Variants in MSTO1 observed in about 807,000 individuals in gnomAD.
MSTO1 encodes misato mitochondrial distribution and morphology regulator 1.
MSTO1 carries 24 observed loss-of-function variants against 55.7 expected under a neutral mutation model. That is an observed-to-expected ratio of 0.43 (90% CI 0.31 to 0.61). The LOEUF (loss-of-function observed/expected upper bound fraction) is 0.61. Ranked by LOEUF, MSTO1 falls within the 20% of genes least tolerant of loss-of-function variation. MSTO1 has a pLI of 0.09. For synonymous variants in MSTO1, 162 were observed against 252.8 expected (o/e 0.64, Z 3.41); for missense variants, 363 against 625.7 (o/e 0.58, Z 4.48).
the MSTO1 span, among the ~76,000 whole-genome samples, chr1:155,568,089 A>ATTTTT: frequency 2.5e-3 from 368 of 148,126 alleles, 1 homozygote; most frequent in South Asian, 9.4e-3. Flanking sequence ...ATTTTATTTT[A>ATTTTT]TTTTTTTTGA....
the MSTO1 span, among the ~76,000 whole-genome samples, chr1:155,579,614 T>G: frequency 1.3e-5 from 2 of 152,176 alleles, no homozygotes; most frequent in Non-Finnish European, 2.9e-5. Context: ...AGTTAATCTA[T>G]CCATACTTAT....
chr1:155,606,928 G>C (rs982675666), upstream of MSTO1, among the ~76,000 whole-genome samples: 2 of 151,364 alleles, frequency 1.3e-5, no homozygotes, highest in South Asian at 4.2e-4. Context: ...TTTGCCTGTC[G>C]GGTTCAAGCA....
rs1171827509 is a variant in MSTO1 at position 155,612,086 on chromosome 1, T to C, written c.664T>C (p.Cys222Arg). The change falls in exon 7 of 14, where the codon TGT becomes CGT. Residue 222 changes from cysteine to arginine, a missense_variant. By Grantham distance (180) the Cys-to-Arg change is radical. Around this residue, in one of 3 missense-constraint regions of MSTO1, gnomAD observed 94 missense variants for 212.4 expected, o/e 0.44. Transcript: ENST00000245564. ...CAGGCTGCATTTCTACGTGGAGGAA[T>C]GTGACTACTTGCAGGTAGTGGCGTG... Reference protein sequence around the residue: ...EDRLHFYVEECDYLQGFQILC... With the variant: ...EDRLHFYVEERDYLQGFQILC... 6.2e-7 allele frequency: 1 copy of C among 1,610,328 alleles called. No individual in the cohort carries two copies. The highest frequency in any genetic ancestry group is 2.2e-5 in the East Asian group (1 of 44,798).
chr1:155,613,208 G>A lies in MSTO1; in HGVS notation c.1258G>A (p.Gly420Ser), dbSNP rs1467430171. ...RCFAQSVVLR[G>S]IDRACHTSQL... is the part of the protein sequence containing the mutation. ...CTTTGCCCAGTCAGTGGTGCTGAGG[G>A]GTATAGACAGAGCATGCCACACAAG... is the stretch of plus-strand genomic sequence containing the variant. The change falls in exon 11 of 14, where the codon GGT becomes AGT. Residue 420 changes from glycine to serine, a missense_variant. Coordinates refer to ENST00000245564, the MANE Select transcript of MSTO1 (RefSeq NM_018116.4). The A allele has an allele frequency of 5.0e-6, 8 of 1,613,924 alleles. No individual in the cohort carries two copies. Among genetic ancestry groups the A allele is most frequent in the Non-Finnish European group, 5.9e-6 (7 of 1,180,012 alleles).
chr1:155,599,662 G>A, the MSTO1 span, among the ~76,000 whole-genome samples: 5 of 152,270 alleles, frequency 3.3e-5, no homozygotes, highest in African/African-American at 7.2e-5. Flanking sequence ...GGGAACCAGC[G>A]TTCAGCATAT....
At chr1:155,604,571 T>G in the MSTO1 span, among the ~76,000 whole-genome samples, 6 of 152,142 alleles carry the variant, frequency 3.9e-5, no homozygotes, top group African/African-American at 1.2e-4. Context: ...AAACAAAAAT[T>G]TTGTACGTTG....
chr1:155,588,884 C>G, the MSTO1 span, among the ~76,000 whole-genome samples: 20 of 152,074 alleles, frequency 1.3e-4, no homozygotes, highest in African/African-American at 4.8e-4. Context: ...GCATGTGCCC[C>G]CTTCCCTCAG....
upstream of MSTO1, chr1:155,610,214 G>T (rs1673509709): frequency 1.6e-6 from 1 of 643,670 alleles, no homozygotes; most frequent in Non-Finnish European, 2.7e-6. Context: ...CGAGCGGCGC[G>T]GCTGAGGCGC....
the MSTO1 span, among the ~76,000 whole-genome samples, chr1:155,600,911 C>T: frequency 2.0e-5 from 3 of 149,580 alleles, no homozygotes; most frequent in Non-Finnish European, 4.4e-5. Context: ...CTCCTGATCT[C>T]GTGATGCGAC....
chr1:155,580,692 G>A, the MSTO1 span, among the ~76,000 whole-genome samples: 726 of 152,210 alleles, frequency 4.8e-3, 3 homozygotes, highest in Non-Finnish European at 8.1e-3. Context: ...GCCGAGGTGG[G>A]CGGATTGCCT....
upstream of MSTO1, among the ~76,000 whole-genome samples, chr1:155,609,237 A>T (rs1261435852): frequency 6.5e-3 from 320 of 49,108 alleles, 7 homozygotes; most frequent in African/African-American, 0.011. Flanking sequence ...ATATATATAT[A>T]TATATATTTT....
chr1:155,580,331 G>C, the MSTO1 span, among the ~76,000 whole-genome samples: 9 of 151,616 alleles, frequency 5.9e-5, no homozygotes, highest in East Asian at 1.6e-3. Flanking sequence ...TTTGAGACCA[G>C]ACTGGGCAAC....
the MSTO1 span, chr1:155,563,327 A>G: frequency 2.2e-6 from 1 of 455,568 alleles, no homozygotes; most frequent in Admixed American, 2.4e-5. Context: ...TCCTCGACTC[A>G]CGGTGAGGGA....
At chr1:155,571,123 T>G in the MSTO1 span, among the ~76,000 whole-genome samples, 2 of 152,058 alleles carry the variant, frequency 1.3e-5, no homozygotes, top group Non-Finnish European at 2.9e-5. Flanking sequence ...GGCCAGGAGC[T>G]GAAGACCAGC....
At chr1:155,606,372 T>G (rs1304790800), upstream of MSTO1, among the ~76,000 whole-genome samples, 3 of 149,642 alleles carry the variant, frequency 2.0e-5, no homozygotes, top group Non-Finnish European at 4.4e-5. Flanking sequence ...GATACAACTT[T>G]TTTTTTTCTA....
the MSTO1 span, among the ~76,000 whole-genome samples, chr1:155,595,246 C>T: frequency 2.8e-5 from 4 of 141,738 alleles, no homozygotes; most frequent in East Asian, 2.4e-4. Flanking sequence ...GGCGCAATCT[C>T]GGCTCACTGC....
At chr1:155,609,028 T>C (rs1292640554), upstream of MSTO1, among the ~76,000 whole-genome samples, 3 of 149,376 alleles carry the variant, frequency 2.0e-5, no homozygotes, top group East Asian at 6.1e-4. Flanking sequence ...GGTTTCATCA[T>C]GTTAGCCAGG....
chr1:155,609,127 C>G (rs1423449978), upstream of MSTO1, among the ~76,000 whole-genome samples: 1 of 148,258 alleles, frequency 6.7e-6, no homozygotes, highest in East Asian at 2.1e-4. Context: ...GCACCCGGCC[C>G]TTGCCTTGTT....
chr1:155,584,430 G>A, the MSTO1 span, among the ~76,000 whole-genome samples: 1 of 151,988 alleles, frequency 6.6e-6, no homozygotes, highest in African/African-American at 2.4e-5. Context: ...CATTTGGGAG[G>A]CTGAGACAGG....
Sources: gnomAD v4.1 joint callset for allele counts (sites outside exome capture counted in the v4.1 genomes callset) on GRCh38, gnomAD v4.1.1 for gene constraint, gnomAD v4.1.1 regional missense constraint, MANE v1.5 for transcripts, NCBI Gene and HGNC (gene_info 2026-07-23, HGNC 2026-07-21) for gene names.